The following TIAM1 variants were observed in gnomAD, a reference collection of about 807,000 sequenced individuals.
TIAM1 encodes rho guanine nucleotide exchange factor TIAM1.
In TIAM1, 65 loss-of-function variants were observed where a neutral mutation model predicts 163.5. The observed-to-expected ratio is 0.40, with a 90% CI of 0.33 to 0.49. The LOEUF is 0.49. TIAM1 is among the 20% of genes least tolerant of loss of function. The pLI is 0.77. For synonymous variants in TIAM1, 833 were observed against 810.1 expected (o/e 1.03, Z -0.48); for missense variants, 1,789 against 2,044.7 (o/e 0.87, Z 2.41).
chr21:31,143,852 G>A (rs1362068004), intron 20 of TIAM1, among the ~76,000 whole-genome samples: 3 of 151,606 alleles, frequency 2.0e-5, no homozygotes, highest in Non-Finnish European at 4.4e-5. Context: ...TCAGCCTCCC[G>A]AGTAGCTGGG....
At chr21:31,148,381 G>A (rs560787577) in intron 19 of TIAM1, among the ~76,000 whole-genome samples, 1 of 152,248 alleles carries the variant, frequency 6.6e-6, no homozygotes, top group East Asian at 1.9e-4. Context: ...CGGTTCCCCT[G>A]CACACGCTCT....
chr21:31,472,496 C>T (rs1429968274), intron 1 of TIAM1, among the ~76,000 whole-genome samples: 18 of 152,040 alleles, frequency 1.2e-4, no homozygotes, highest in Admixed American at 1.2e-3. Flanking sequence ...CACTGCACTC[C>T]AGCCTGAGCA....
At chr21:31,315,931 C>T (rs537255294) in intron 2 of TIAM1, among the ~76,000 whole-genome samples, 5 of 152,110 alleles carry the variant, frequency 3.3e-5, no homozygotes, top group Non-Finnish European at 5.9e-5. Flanking sequence ...GAGCCGAGAT[C>T]GCGCCACTGC....
intron 2 of TIAM1, among the ~76,000 whole-genome samples, chr21:31,428,994 CTTTG>C (rs376708387): frequency 7.2e-5 from 11 of 151,840 alleles, no homozygotes; most frequent in Middle Eastern, 3.4e-3. Context: ...TACAACCTAA[CTTTG>C]TTTGTTTGTT....
chr21:31,246,686 G>T (rs955124745), intron 5 of TIAM1, among the ~76,000 whole-genome samples: 1 of 152,198 alleles, frequency 6.6e-6, no homozygotes, highest in Non-Finnish European at 1.5e-5. Flanking sequence ...GTAGAATGAT[G>T]CAGATCAATG....
At chr21:31,293,991 A>C (rs534821469) in intron 2 of TIAM1, among the ~76,000 whole-genome samples, 2 of 152,276 alleles carry the variant, frequency 1.3e-5, no homozygotes, top group African/African-American at 4.8e-5. Context: ...TCCTGGGTAC[A>C]TAAGCTACCC....
chr21:31,402,547 C>A (rs2147221500), intron 2 of TIAM1, among the ~76,000 whole-genome samples: 1 of 152,296 alleles, frequency 6.6e-6, no homozygotes, highest in East Asian at 1.9e-4. Context: ...CCTTCAGTAA[C>A]ACCATTTTTG....
chr21:31,399,396 T>C (rs934651504), intron 2 of TIAM1, among the ~76,000 whole-genome samples: 4 of 152,156 alleles, frequency 2.6e-5, no homozygotes, highest in Non-Finnish European at 5.9e-5. Flanking sequence ...AATTAACGTT[T>C]AGGTCAACTA....
In TIAM1 at chr21:31,493,448, A is replaced by G. The variant is rs911161129; in HGVS notation, c.-421-29413T>C. Among the ~76,000 whole-genome samples, 4 of 152,324 alleles carry G rather than the reference A, an allele frequency of 2.6e-5. No homozygotes were observed. The East Asian group carries it at 7.7e-4, about 29-fold the overall frequency. ...GAGGTGGCATCGGAAATGGAAACCA[A>G]AGGATGGAAATTAGGTAGACTGGCA... On this transcript the variant is annotated intron_variant, in intron 1 of 28. Coordinates refer to the TIAM1 transcript ENST00000286827.
chr21:31,461,327 T>C (rs1274289689), intron 2 of TIAM1, among the ~76,000 whole-genome samples: 1 of 151,940 alleles, frequency 6.6e-6, no homozygotes, highest in Admixed American at 6.6e-5. Flanking sequence ...CTACTAAAAA[T>C]GCAAAAAATT....
intron 1 of TIAM1, among the ~76,000 whole-genome samples, chr21:31,491,380 C>T (rs759840824): frequency 2.0e-5 from 3 of 152,136 alleles, no homozygotes; most frequent in African/African-American, 7.2e-5. Context: ...GAACCCTATA[C>T]CAAGGCTCAT....
intron 2 of TIAM1, among the ~76,000 whole-genome samples, chr21:31,295,250 C>T (rs556309181): frequency 6.6e-6 from 1 of 152,218 alleles, no homozygotes; most frequent in African/African-American, 2.4e-5. Flanking sequence ...GCGGGCGGAT[C>T]ATGAAGTCAG....
chr21:31,558,367 C>T (rs1384458723), intron 1 of TIAM1, among the ~76,000 whole-genome samples: 1 of 152,086 alleles, frequency 6.6e-6, no homozygotes, highest in Admixed American at 6.5e-5. Flanking sequence ...CGTGCGCCGG[C>T]CCCCGGGCTT....
chr21:31,270,901 T>C (rs1004212196), intron 3 of TIAM1, among the ~76,000 whole-genome samples: 3 of 152,152 alleles, frequency 2.0e-5, no homozygotes, highest in African/African-American at 7.2e-5. Flanking sequence ...CCTAGAACGC[T>C]CTGCCTTTCC....
At chr21:31,304,666 G>T (rs1364894219) in intron 2 of TIAM1, among the ~76,000 whole-genome samples, 1 of 152,148 alleles carries the variant, frequency 6.6e-6, no homozygotes, top group Non-Finnish European at 1.5e-5. Context: ...TTAGAATATT[G>T]TATCATTGGT....
At chr21:31,205,622 T>C (rs2086410684) in intron 11 of TIAM1, among the ~76,000 whole-genome samples, 1 of 152,192 alleles carries the variant, frequency 6.6e-6, no homozygotes, top group Admixed American at 6.5e-5. Context: ...ACTTGAATTG[T>C]GTAATGCATT....
At chr21:31,172,471 C>CA (rs2084559543) in intron 15 of TIAM1, among the ~76,000 whole-genome samples, 1 of 152,142 alleles carries the variant, frequency 6.6e-6, no homozygotes, top group Admixed American at 6.5e-5. Context: ...TACCAGGAAA[C>CA]AAAGCACGAC....
Position 31,266,804 on chromosome 21 carries a change from G to A in TIAM1, c.169C>T (p.Arg57Ter). Residue 57 changes from arginine (R) to a stop codon, truncating the protein, a stop_gained, in exon 4 of 28, where the codon CGA becomes TGA. Transcript: ENST00000541036. LOFTEE classifies it high-confidence loss of function. ...VIHRNSEVST[R>*]SSSTPSIPQS... is the part of the protein sequence containing the mutation. Reference sequence around the variant, plus strand: ...GGGATGCTGGGGGTGCTGCTGGATCGGGTGCTCACTTCGGAGTTCCTGTGG... The same window carrying A: ...GGGATGCTGGGGGTGCTGCTGGATCAGGTGCTCACTTCGGAGTTCCTGTGG... 4 of 1,614,218 alleles carry A rather than the reference G, an allele frequency of 2.5e-6. No individual in the cohort carries two copies. The highest frequency in any genetic ancestry group is 3.4e-6 in the Non-Finnish European group (4 of 1,180,044).
chr21:31,467,084 A>G (rs1308861201), intron 1 of TIAM1, among the ~76,000 whole-genome samples: 2 of 152,196 alleles, frequency 1.3e-5, no homozygotes, highest in African/African-American at 2.4e-5. Flanking sequence ...AAGTTAAACA[A>G]AGTTCCATAA....
Sources: gnomAD v4.1 joint callset for allele counts (sites outside exome capture counted in the v4.1 genomes callset) on GRCh38, gnomAD v4.1.1 for gene constraint, MANE v1.5 for transcripts, NCBI Gene and HGNC (gene_info 2026-07-23, HGNC 2026-07-21) for gene names.